NYAP2: variants seen among roughly 807,000 people sequenced by gnomAD.
NYAP2 encodes neuronal tyrosine-phosphorylated phosphoinositide-3-kinase adapter 2.
A neutral mutation model predicts 50.4 loss-of-function variants in NYAP2; 23 were observed. The observed-to-expected ratio is 0.46, with a 90% CI of 0.33 to 0.65. The LOEUF (loss-of-function observed/expected upper bound fraction) is 0.65, where lower values mean the gene tolerates loss of function less well. Ranked by LOEUF, NYAP2 falls within the 30% of genes least tolerant of loss-of-function variation. NYAP2 has a pLI of 0.02. For synonymous variants in NYAP2, 394 were observed against 365.2 expected, an observed-to-expected ratio of 1.08 and a Z score of -0.90; for missense variants, 885 against 861.0, an observed-to-expected ratio of 1.03 and a Z score of -0.35.
chr2:225,585,825 G>T (rs1231005492), intron 5 of NYAP2, among the ~76,000 whole-genome samples: 1 of 152,130 alleles, frequency 6.6e-6, no homozygotes, highest in Non-Finnish European at 1.5e-5. Context: ...GCAAAACATA[G>T]AACCAAAATT....
At chr2:225,447,647 G>GA (rs913536921) in intron 3 of NYAP2, among the ~76,000 whole-genome samples, 98 of 152,158 alleles carry the variant, frequency 6.4e-4, no homozygotes, top group African/African-American at 2.0e-3. Context: ...TAGAATGCAT[G>GA]AAAAAATCAA....
intron 4 of NYAP2, among the ~76,000 whole-genome samples, chr2:225,515,607 A>T (rs1016200296): frequency 6.6e-6 from 1 of 152,180 alleles, no homozygotes; most frequent in Non-Finnish European, 1.5e-5. Context: ...GAAACAATGT[A>T]TTAATAGGTG....
chr2:225,495,257 A>G lies in NYAP2; in HGVS notation c.222-18114A>G, dbSNP rs562811727. On this transcript the variant is annotated intron_variant, in intron 3 of 6. Transcript: ENST00000636099. Reference sequence around the variant, plus strand: ...AACAAAAACTTAACACTATGAAGTGAATTTGGGGGAATATCTATTCTATTT... The same window carrying G: ...AACAAAAACTTAACACTATGAAGTGGATTTGGGGGAATATCTATTCTATTT... Among the ~76,000 whole-genome samples the G allele has an allele frequency of 4.6e-5, 7 of 152,240 alleles. 1 individual carries two copies. The highest frequency in any genetic ancestry group is 1.7e-4 in the African/African-American group (7 of 41,548).
chr2:225,668,412 G>A, the NYAP2 span, among the ~76,000 whole-genome samples: 9 of 152,256 alleles, frequency 5.9e-5, no homozygotes, highest in East Asian at 5.8e-4. Flanking sequence ...TATACTCTGC[G>A]TACCAGGAGA....
chr2:225,519,048 G>C (rs1188502443), intron 4 of NYAP2, among the ~76,000 whole-genome samples: 2 of 151,498 alleles, frequency 1.3e-5, no homozygotes, highest in Admixed American at 1.3e-4. Flanking sequence ...TAAGGAAAAG[G>C]AGCAAAAAGA....
chr2:225,474,720 T>A (rs942327498), intron 3 of NYAP2, among the ~76,000 whole-genome samples: 32 of 152,244 alleles, frequency 2.1e-4, no homozygotes, highest in Non-Finnish European at 4.1e-4. Context: ...GCTGAGATGA[T>A]GGGGTTTTCT....
At chr2:225,532,538 T>G (rs1442853688) in intron 4 of NYAP2, among the ~76,000 whole-genome samples, 2 of 152,212 alleles carry the variant, frequency 1.3e-5, no homozygotes, top group South Asian at 4.1e-4. Context: ...TTTGGAAATC[T>G]CTGCTTTCTG....
intron 6 of NYAP2, among the ~76,000 whole-genome samples, chr2:225,649,057 T>C (rs1693686540): frequency 1.3e-5 from 2 of 152,002 alleles, no homozygotes; most frequent in African/African-American, 4.8e-5. Flanking sequence ...GCAGGAGGAA[T>C]AGAGGTAAGG....
At chr2:225,608,662 T>C (rs1051529572) in intron 5 of NYAP2, among the ~76,000 whole-genome samples, 3 of 152,160 alleles carry the variant, frequency 2.0e-5, no homozygotes, top group African/African-American at 7.2e-5. Context: ...TTTGTCAGGC[T>C]GGACATTTGT....
At chr2:225,638,588 G>A (rs1043920166) in intron 6 of NYAP2, among the ~76,000 whole-genome samples, 3 of 152,106 alleles carry the variant, frequency 2.0e-5, no homozygotes, top group Non-Finnish European at 4.4e-5. Context: ...GTGCCCTACA[G>A]GATACCCAGT....
At chr2:225,452,037 G>C (rs1216540149) in intron 3 of NYAP2, among the ~76,000 whole-genome samples, 1 of 151,904 alleles carries the variant, frequency 6.6e-6, no homozygotes, top group Non-Finnish European at 1.5e-5. Context: ...AAAATGTAAA[G>C]CATCATTCTT....
At chr2:225,631,188 A>G (rs769035858) in intron 6 of NYAP2, among the ~76,000 whole-genome samples, 1 of 152,240 alleles carries the variant, frequency 6.6e-6, no homozygotes, top group Non-Finnish European at 1.5e-5. Flanking sequence ...ATATAGTTTG[A>G]TAAACATGTA....
rs1269412475 is a variant in NYAP2, at chr2:225,518,532, AT to A, written c.523+4861del. Reference sequence around the variant, plus strand: ...ACAGTATGTGAGCTAATATATATATATATATATATATATATATATATATATA... The same window carrying A: ...ACAGTATGTGAGCTAATATATATATAATATATATATATATATATATATATA... On this transcript the variant is annotated intron_variant, in intron 4 of 6. Coordinates refer to ENST00000636099, the Ensembl canonical transcript of NYAP2. 2.5e-3 allele frequency among the ~76,000 whole-genome samples: 73 copies of A among 29,562 alleles called. 4 individuals are homozygous for A. The highest frequency in any genetic ancestry group is 0.043 in the Middle Eastern group (2 of 46). The allele number at this position is 29,562 out of a possible 152,430, so 19.4% of individuals were successfully genotyped here.
the NYAP2 span, among the ~76,000 whole-genome samples, chr2:225,685,611 T>C: frequency 6.6e-6 from 1 of 152,212 alleles, no homozygotes; most frequent in Admixed American, 6.5e-5. Context: ...TTCTGTCTTC[T>C]TTATTGGAAA....
At chr2:225,701,560 C>T in the NYAP2 span, 1 of 151,640 alleles carries the variant, frequency 6.6e-6, no homozygotes, top group Non-Finnish European at 1.5e-5. Context: ...AGCCAGCATC[C>T]TCTGAGGTAT....
At chr2:225,541,370 C>T (rs974948913) in intron 4 of NYAP2, among the ~76,000 whole-genome samples, 18 of 152,174 alleles carry the variant, frequency 1.2e-4, no homozygotes, top group Admixed American at 3.9e-4. Context: ...TTGCCCAGTC[C>T]GATGTCCTGG....
At chr2:225,609,062 A>G (rs1009644047) in intron 5 of NYAP2, among the ~76,000 whole-genome samples, 7 of 152,048 alleles carry the variant, frequency 4.6e-5, no homozygotes, top group Admixed American at 3.3e-4. Flanking sequence ...TTCTTGTCAT[A>G]TTCTTGCTCA....
intron 3 of NYAP2, among the ~76,000 whole-genome samples, chr2:225,425,253 C>T (rs948333749): frequency 5.3e-5 from 8 of 152,014 alleles, no homozygotes; most frequent in African/African-American, 7.2e-5. Flanking sequence ...CAGCCTGGTT[C>T]GTTTTAAACT....
chr2:225,538,767 CTTTTCTTTTCT>C (rs1428713477), intron 4 of NYAP2, among the ~76,000 whole-genome samples: 1 of 103,816 alleles, frequency 9.6e-6, no homozygotes, highest in Admixed American at 9.8e-5. Flanking sequence ...CTTTTCTTTT[CTTTTCTTTTCT>C]TTTCTTTCTT....
Sources: allele counts gnomAD v4.1 joint callset (sites outside exome capture counted in the v4.1 genomes callset), GRCh38; gene constraint gnomAD v4.1.1; transcripts MANE v1.5; gene names NCBI Gene and HGNC (gene_info 2026-07-23, HGNC 2026-07-21).